Variants in TMEM245 observed in about 807,000 individuals in gnomAD.
TMEM245 encodes transmembrane protein 245.
TMEM245 carries 69 observed loss-of-function variants against 101.2 expected under a neutral mutation model. The ratio of observed to expected loss-of-function variants is 0.68; its 90% CI spans 0.56 to 0.83. The LOEUF (loss-of-function observed/expected upper bound fraction) is 0.83, where lower values mean the gene tolerates loss of function less well. Among genes scored for constraint, TMEM245 ranks in the 40% least tolerant of loss-of-function variants. The pLI is 0.00. For synonymous variants in TMEM245, 537 were observed against 449.8 expected (o/e 1.19, Z -2.45); for missense variants, 1,075 against 1,092.8 (o/e 0.98, Z 0.23).
Position 109,036,329 on chromosome 9 carries a change from G to A in TMEM245, c.2276C>T (p.Ala759Val). 1 of 1,613,538 alleles carries A rather than the reference G, an allele frequency of 6.2e-7. No individual in the cohort carries two copies. Among genetic ancestry groups the A allele is most frequent in the Non-Finnish European group, 8.5e-7 (1 of 1,179,896 alleles). ...CCACAGGTCAAGAACTGCAGGTACT[G>A]CTGCCCAGTATGTCCCCAGGAATGG... Reference protein sequence around the residue: ...AVPFLGTYWAAVPAVLDLWLT... With the variant: ...AVPFLGTYWAVVPAVLDLWLT... Residue 759 changes from alanine to valine, a missense_variant, in exon 16 of 18, where the codon GCA (alanine) becomes GTA (valine). By Grantham distance (64) the Ala-to-Val change is moderately conservative. Around this residue, in one of 2 missense-constraint regions of TMEM245, gnomAD observed 267 missense variants for 351.3 expected, o/e 0.76. Transcript: ENST00000374586.
chr9:109,074,057 G>A (rs919922209), intron 8 of TMEM245, among the ~76,000 whole-genome samples: 8 of 151,840 alleles, frequency 5.3e-5, no homozygotes, highest in African/African-American at 1.9e-4. Context: ...AAAAGGTTTT[G>A]CCATGTTGGC....
intron 4 of TMEM245, among the ~76,000 whole-genome samples, chr9:109,091,521 C>T (rs987983201): frequency 1.3e-5 from 2 of 152,124 alleles, no homozygotes; most frequent in South Asian, 2.1e-4. Context: ...ATTTAAAAAT[C>T]CCTTTTCTTT....
At chr9:109,020,680 C>A (rs1827594668) in intron 17 of TMEM245, among the ~76,000 whole-genome samples, 175 bp from the exon 18 acceptor site, 1 of 152,192 alleles carries the variant, frequency 6.6e-6, no homozygotes, top group South Asian at 2.1e-4. Context: ...AGAACTCCAT[C>A]TTTTTGCTGG....
chr9:109,033,379 C>CT lies in TMEM245; in HGVS notation c.2521dup (p.Ser841LysfsTer29), dbSNP rs1828022438. ...ATTCGTGGGACTCACTAGCATGGCA[C>CT]TATAGATATTGGAAGCAACCACAAG... On this transcript the variant is annotated frameshift_variant, in exon 17 of 18. Transcript: ENST00000374586. LOFTEE classifies it high-confidence loss of function. 6.2e-7 allele frequency: 1 copy of CT among 1,614,134 alleles called. No individual in the cohort carries two copies.
In TMEM245 at chr9:109,036,223, G is replaced by T. The variant is rs2919822; in HGVS notation, c.2382C>A (p.Ile794=). The T allele has an allele frequency of 3.7e-6, 6 of 1,610,424 alleles. No homozygotes were observed. The African/African-American group carries it at 6.7e-5, about 18-fold the overall frequency. ...TTACTTACCCTGATATGTCAGAGTA[G>T]ATTGCAGTATCTACAAAGTATGTTG... ...LLPTYFVDTA[I]YSDISGGGHP... Residue 794 remains isoleucine, a synonymous_variant, in exon 16 of 18, where the codon ATC becomes ATA. Coordinates refer to ENST00000374586, the MANE Select transcript of TMEM245 (RefSeq NM_032012.4).
At chr9:109,084,720 T>C (rs1051703855) in intron 7 of TMEM245, among the ~76,000 whole-genome samples, 1 of 152,212 alleles carries the variant, frequency 6.6e-6, no homozygotes, top group Non-Finnish European at 1.5e-5. Flanking sequence ...AGAAACCACA[T>C]TCTTTGGTCA....
At chr9:109,115,238 T>C (rs574343273) in intron 1 of TMEM245, among the ~76,000 whole-genome samples, 22 of 152,076 alleles carry the variant, frequency 1.4e-4, no homozygotes, top group Non-Finnish European at 2.8e-4. Context: ...TCCCAGCTAC[T>C]TGGGAGGCTG....
chr9:109,070,300 C>T (rs1280386396), intron 9 of TMEM245, among the ~76,000 whole-genome samples: 1 of 152,202 alleles, frequency 6.6e-6, no homozygotes, highest in African/African-American at 2.4e-5. Context: ...CTACTTACAA[C>T]AGTCACCTCA....
chr9:109,110,148 G>T (rs1178461960), intron 1 of TMEM245, among the ~76,000 whole-genome samples: 1 of 152,150 alleles, frequency 6.6e-6, no homozygotes. Context: ...GTCCAGTCTT[G>T]CTGGACCAGA....
chr9:109,074,479 G>A (rs77043916), intron 8 of TMEM245, among the ~76,000 whole-genome samples: 3,228 of 152,244 alleles, frequency 0.021, 49 homozygotes, highest in South Asian at 0.045. Flanking sequence ...AGGGAGAAAA[G>A]AAGCCACATC....
At position 109,057,178 on chromosome 9, in the gene TMEM245, T is replaced by C. The variant is rs757171817; in HGVS notation, c.1854+13A>G. 6.8e-6 allele frequency: 11 copies of C among 1,611,106 alleles called. No individual in the cohort carries two copies. The highest frequency in any genetic ancestry group is 1.3e-5 in the African/African-American group (1 of 74,850). ...TTTTGAACTTCAGCTTAACTATAAA[T>C]GCTATTTCTTACCGAAAGAAATGTC... On this transcript the variant is annotated intron_variant, in intron 12 of 17. Transcript: ENST00000374586.
At chr9:109,100,649 T>C (rs574792652) in intron 3 of TMEM245, among the ~76,000 whole-genome samples, 2 of 152,200 alleles carry the variant, frequency 1.3e-5, no homozygotes, top group South Asian at 4.1e-4. Flanking sequence ...CCATTATGCC[T>C]GGCCAAGGAC....
chr9:109,023,224 G>A (rs1403206803), intron 17 of TMEM245, among the ~76,000 whole-genome samples: 3 of 152,212 alleles, frequency 2.0e-5, no homozygotes, highest in Admixed American at 1.3e-4. Context: ...GATGGAGGGG[G>A]AGGTGTGTGT....
intron 12 of TMEM245, among the ~76,000 whole-genome samples, chr9:109,055,624 G>A (rs772105639): frequency 9.3e-5 from 14 of 150,504 alleles, no homozygotes; most frequent in African/African-American, 3.2e-4. Context: ...TTTCAATCAC[G>A]GTTTCTTTTT....
intron 14 of TMEM245, among the ~76,000 whole-genome samples, chr9:109,043,658 G>A (rs1255397706): frequency 1.3e-5 from 2 of 152,088 alleles, no homozygotes; most frequent in East Asian, 1.9e-4. Flanking sequence ...TCAGATGGAC[G>A]TGATTTAGCT....
intron 3 of TMEM245, among the ~76,000 whole-genome samples, chr9:109,100,880 T>C (rs904482864): frequency 2.0e-5 from 3 of 152,354 alleles, no homozygotes; most frequent in South Asian, 2.1e-4. Flanking sequence ...TTTCCCTTAT[T>C]ATCTTAAGCT....
At chr9:109,071,518 T>G (rs556808545) in intron 9 of TMEM245, among the ~76,000 whole-genome samples, 17 of 151,368 alleles carry the variant, frequency 1.1e-4, no homozygotes, top group African/African-American at 3.9e-4. Flanking sequence ...GTGGGAGGAA[T>G]GATTGAGCCC....
rs139016332 is a variant in TMEM245, at chr9:109,091,669, G to A, written c.917-514C>T. Among the ~76,000 whole-genome samples the A allele has an allele frequency of 6.9e-3, 1,050 of 152,152 alleles. 11 individuals carry two copies. The highest frequency in any genetic ancestry group is 0.024 in the African/African-American group (997 of 41,522). On this transcript the variant is annotated intron_variant, in intron 4 of 17. Coordinates refer to ENST00000374586, the MANE Select transcript of TMEM245 (RefSeq NM_032012.4). ...AAACAGAATATATAAACATGAATGAGATACAAAAACAATGACAGATTTCTT... is the reference window on the plus strand; with the variant it reads ...AAACAGAATATATAAACATGAATGAAATACAAAAACAATGACAGATTTCTT...
chr9:109,024,019 A>G (rs762063875), intron 17 of TMEM245, among the ~76,000 whole-genome samples: 1 of 152,052 alleles, frequency 6.6e-6, no homozygotes, highest in Non-Finnish European at 1.5e-5. Context: ...CCAAACTTTC[A>G]ATGAGATCTT....
Sources: allele counts gnomAD v4.1 joint callset (sites outside exome capture counted in the v4.1 genomes callset), GRCh38; gene constraint gnomAD v4.1.1; regional missense constraint gnomAD v4.1.1; transcripts MANE v1.5; gene names NCBI Gene and HGNC (gene_info 2026-07-23, HGNC 2026-07-21).